Variants in LIMS1 observed in about 807,000 individuals in gnomAD.
LIMS1 encodes the protein LIM zinc finger domain containing 1.
Under a neutral mutation model 44.1 loss-of-function variants are expected in LIMS1, and 18 were observed. The ratio of observed to expected loss-of-function variants is 0.41; its 90% CI spans 0.28 to 0.61. The LOEUF is 0.61. Ranked by LOEUF, LIMS1 falls within the 20% of genes least tolerant of loss-of-function variation. LIMS1 has a pLI of 0.32. For synonymous variants in LIMS1, 93 were observed against 149.1 expected (o/e 0.62, Z 2.74); for missense variants, 201 against 422.0 (o/e 0.48, Z 4.59).
At position 108,611,908 on chromosome 2, in the gene LIMS1, TAC is replaced by T. The variant is rs5833295; in HGVS notation, c.33-47691_33-47690del. ...AATATATACACACATATATAAAATA[TAC>T]ACACATATAAAATATATATATACAT... On this transcript the variant is annotated intron_variant, in intron 1 of 9. Transcript: ENST00000544547. Among the ~76,000 whole-genome samples, 480 of 145,136 alleles carry T rather than the reference TAC, an allele frequency of 3.3e-3. 3 individuals carry two copies. Among genetic ancestry groups the T allele is most frequent in the African/African-American group, 0.011 (438 of 39,894 alleles).
intron 1 of LIMS1, among the ~76,000 whole-genome samples, chr2:108,595,828 A>G (rs1686654024): frequency 6.6e-6 from 1 of 152,188 alleles, no homozygotes; most frequent in Non-Finnish European, 1.5e-5. Flanking sequence ...TGTGGTAAAA[A>G]ACACATAAAA....
chr2:108,633,539 T>C (rs966954771), intron 1 of LIMS1, among the ~76,000 whole-genome samples: 1 of 152,238 alleles, frequency 6.6e-6, no homozygotes, highest in African/African-American at 2.4e-5. Flanking sequence ...AGCTCAGTTA[T>C]TTTGTTCTGT....
chr2:108,637,472 A>G (rs1404034736), intron 1 of LIMS1, among the ~76,000 whole-genome samples: 2 of 152,182 alleles, frequency 1.3e-5, no homozygotes, highest in Non-Finnish European at 2.9e-5. Flanking sequence ...GCCTTGACTG[A>G]GTCAGAACTA....
intron 1 of LIMS1, 35 bp downstream of exon 1, chr2:108,534,629 G>A (rs1463072308): frequency 2.3e-5 from 25 of 1,096,790 alleles, no homozygotes; most frequent in African/African-American, 3.4e-5. Context: ...CGCCACGTCC[G>A]CCCCGCAGCT....
chr2:108,676,177 A>G (rs1207549917), intron 6 of LIMS1, 149 bp downstream of exon 6: 8 of 1,066,474 alleles, frequency 7.5e-6, no homozygotes, highest in Middle Eastern at 6.2e-4. Context: ...AGGAGACTCT[A>G]AAGATTAAAC....
chr2:108,637,966 C>G (rs914609263), intron 1 of LIMS1, among the ~76,000 whole-genome samples: 19 of 151,778 alleles, frequency 1.3e-4, no homozygotes, highest in Admixed American at 1.2e-3. Flanking sequence ...AGCGATCCTC[C>G]TACCTCAGCC....
chr2:108,536,800 C>G (rs575773428), intron 1 of LIMS1, among the ~76,000 whole-genome samples: 42 of 152,216 alleles, frequency 2.8e-4, no homozygotes, highest in Non-Finnish European at 4.0e-4. Context: ...CCAGGCTAGT[C>G]TGGGGGTCCC....
intron 1 of LIMS1, among the ~76,000 whole-genome samples, chr2:108,556,319 C>G (rs528128179): frequency 6.6e-6 from 1 of 152,082 alleles, no homozygotes; most frequent in African/African-American, 2.4e-5. Flanking sequence ...TATGTATATA[C>G]TGTACTTGTT....
chr2:108,685,941 C>G (rs1406598525), exon 10 of LIMS1: 1 of 152,136 alleles, frequency 6.6e-6, no homozygotes, highest in South Asian at 2.1e-4. Flanking sequence ...GGCCTGAACT[C>G]GACTGCTTGT....
rs1692694057 is a variant in LIMS1, at chr2:108,678,082, G to A, written c.823+55G>A. 1.9e-6 allele frequency: 3 copies of A among 1,607,404 alleles called. No homozygotes were observed. The South Asian group carries it at 3.3e-5, about 18-fold the overall frequency. On this transcript the variant is annotated intron_variant, in intron 8 of 9. Coordinates refer to ENST00000544547, the Ensembl canonical transcript of LIMS1. ...GCCACTTTGACACAAAAACACTTGGGTAATGTGGAAATTCAGGTTGGTGAT... is the reference window on the plus strand; with the variant it reads ...GCCACTTTGACACAAAAACACTTGGATAATGTGGAAATTCAGGTTGGTGAT...
intron 1 of LIMS1, among the ~76,000 whole-genome samples, chr2:108,620,344 A>G (rs1228802930): frequency 6.6e-6 from 1 of 152,204 alleles, no homozygotes; most frequent in African/African-American, 2.4e-5. Context: ...AAAAATTCCT[A>G]GAACCATTTA....
chr2:108,599,079 AT>A (rs1686866807), intron 1 of LIMS1, among the ~76,000 whole-genome samples: 1 of 152,050 alleles, frequency 6.6e-6, no homozygotes, highest in Non-Finnish European at 1.5e-5. Flanking sequence ...CAATCTAATT[AT>A]TATTGACTGT....
rs369991460 is a variant in LIMS1 at position 108,665,613 on chromosome 2, A to G, written c.193-5168A>G. Among the ~76,000 whole-genome samples, 1,439 of 151,812 alleles carry G rather than the reference A, an allele frequency of 9.5e-3. 12 individuals carry two copies. Among genetic ancestry groups the G allele is most frequent in the Non-Finnish European group, 0.012 (815 of 67,898 alleles). The stretch of plus-strand genomic sequence containing the variant: ...GTGATCTTGGCTCACTGCAACCTCC[A>G]CCTCCTGGATTCAAGCGATTCTCCT... On this transcript the variant is annotated intron_variant, in intron 2 of 9. Coordinates refer to ENST00000544547, the Ensembl canonical transcript of LIMS1.
intron 1 of LIMS1, among the ~76,000 whole-genome samples, chr2:108,575,921 A>C (rs944897759): frequency 6.6e-6 from 1 of 152,164 alleles, no homozygotes; most frequent in Non-Finnish European, 1.5e-5. Context: ...AAAAGCAGCA[A>C]GATAATATTA....
intron 1 of LIMS1, among the ~76,000 whole-genome samples, chr2:108,611,044 A>G (rs979949129): frequency 6.6e-6 from 1 of 152,108 alleles, no homozygotes; most frequent in Non-Finnish European, 1.5e-5. Context: ...GAATTTTTAA[A>G]TGATTTCTGA....
At chr2:108,662,476 AACTAGGCTAT>A in intron 2 of LIMS1, 1 of 1,371,778 alleles carries the variant, frequency 7.3e-7, no homozygotes, top group South Asian at 1.5e-5. Context: ...GAATACCCAG[AACTAGGCTAT>A]TCATGGGCTG....
At chr2:108,615,991 T>C (rs1228419678) in intron 1 of LIMS1, among the ~76,000 whole-genome samples, 2 of 152,168 alleles carry the variant, frequency 1.3e-5, no homozygotes, top group Admixed American at 1.3e-4. Flanking sequence ...GTACTCTCCC[T>C]TGGCCCCTTG....
intron 7 of LIMS1, 128 bp from the exon 8 acceptor site, chr2:108,677,851 A>C (rs1692676782): frequency 6.9e-7 from 1 of 1,452,350 alleles, no homozygotes; most frequent in African/African-American, 1.4e-5. Flanking sequence ...AAAACTTGTC[A>C]AAGAACTTTT....
intron 1 of LIMS1, among the ~76,000 whole-genome samples, chr2:108,654,369 G>A (rs1690704726): frequency 6.6e-6 from 1 of 151,776 alleles, no homozygotes; most frequent in Non-Finnish European, 1.5e-5. Context: ...CTAAACACTG[G>A]CCCTTGTCTG....
Sources: allele counts gnomAD v4.1 joint callset (sites outside exome capture counted in the v4.1 genomes callset), GRCh38; gene constraint gnomAD v4.1.1; transcripts MANE v1.5; gene names NCBI Gene and HGNC (gene_info 2026-07-23, HGNC 2026-07-21).